Variants in REEP1 observed in about 807,000 individuals in gnomAD.
The protein encoded by REEP1 is receptor accessory protein 1.
REEP1 carries 22 observed loss-of-function variants against 40.3 expected under a neutral mutation model. The ratio of observed to expected loss-of-function variants is 0.55; its 90% CI spans 0.39 to 0.78. The LOEUF (loss-of-function observed/expected upper bound fraction) is 0.78, where lower values mean the gene tolerates loss of function less well. REEP1 is among the 30% of genes least tolerant of loss of function. The pLI is 0.00. For synonymous variants in REEP1, 116 were observed against 139.2 expected (o/e 0.83, Z 1.17); for missense variants, 280 against 361.1 (o/e 0.78, Z 1.82).
rs78862941 is a variant in REEP1, at chr2:86,334,119, T to C, written c.32+3360A>G. Among the ~76,000 whole-genome samples the C allele has an allele frequency of 4.8e-3, 726 of 152,282 alleles. 4 individuals carry two copies. Among genetic ancestry groups the C allele is most frequent in the African/African-American group, 0.015 (618 of 41,552 alleles). On this transcript the variant is annotated intron_variant, in intron 1 of 8. Coordinates refer to ENST00000538924, the MANE Select transcript of REEP1 (RefSeq NM_001371279.1). The stretch of plus-strand genomic sequence containing the variant: ...TGCCAGATACTTTGTGAAAGACCCA[T>C]GGCAGGGATAAAGCGGTTGTAAAGG...
At chr2:86,246,918 T>C (rs1033038388) in intron 5 of REEP1, among the ~76,000 whole-genome samples, 1 of 152,078 alleles carries the variant, frequency 6.6e-6, no homozygotes, top group Non-Finnish European at 1.5e-5. Flanking sequence ...TCAGGCTGGT[T>C]TCAAACACCC....
chr2:86,248,718 G>C (rs1676103054), intron 5 of REEP1, among the ~76,000 whole-genome samples: 1 of 152,134 alleles, frequency 6.6e-6, no homozygotes, highest in Admixed American at 6.5e-5. Context: ...CCAAAGTGCT[G>C]GGATTATAGG....
chr2:86,221,816 C>T (rs1283816842), intron 7 of REEP1, among the ~76,000 whole-genome samples: 2 of 152,164 alleles, frequency 1.3e-5, no homozygotes, highest in Non-Finnish European at 2.9e-5. Context: ...CTTGACACCC[C>T]CATTAACCAA....
chr2:86,305,349 ACC>A (rs1679434082), intron 1 of REEP1, among the ~76,000 whole-genome samples: 1 of 152,052 alleles, frequency 6.6e-6, no homozygotes, highest in Non-Finnish European at 1.5e-5. Context: ...CTTTCTGTGT[ACC>A]CGTTTCCTCC....
chr2:86,302,060 A>G (rs185289778), intron 1 of REEP1, among the ~76,000 whole-genome samples: 2 of 152,330 alleles, frequency 1.3e-5, no homozygotes, highest in African/African-American at 2.4e-5. Flanking sequence ...TGACTTCCTC[A>G]TTAATGGATG....
intron 1 of REEP1, among the ~76,000 whole-genome samples, chr2:86,284,358 C>T (rs1678273381): frequency 1.3e-5 from 2 of 152,208 alleles, no homozygotes; most frequent in African/African-American, 4.8e-5. Flanking sequence ...CTGTGTTCCA[C>T]AAAGCCAGAG....
At position 86,337,312 on chromosome 2, in the gene REEP1, C is replaced by G; in HGVS notation, c.32+167G>C. ...GGGCAGCAGCCGCGTCCTGCGCCGC[C>G]CGTCCGCCCGCAGGCGTCCTCGGCG... On this transcript the variant is annotated intron_variant, in intron 1 of 8. Transcript: ENST00000538924. This position sits in a 1 kb window ranked among gnomAD's most constrained non-coding sequence, Gnocchi z 5.8. 2.7e-6 allele frequency: 1 copy of G among 371,958 alleles called. No homozygotes were observed. Among genetic ancestry groups the G allele is most frequent in the Non-Finnish European group, 4.4e-6 (1 of 227,550 alleles). 23.0% of individuals were successfully genotyped at this position (371,958 alleles called of 1,614,324 possible). A position where few individuals can be genotyped will look rare whatever the true frequency, so the allele number is the denominator to read the frequency against.
intron 1 of REEP1, among the ~76,000 whole-genome samples, chr2:86,295,739 C>T (rs1184057703): frequency 6.6e-6 from 1 of 152,154 alleles, no homozygotes; most frequent in Non-Finnish European, 1.5e-5. Flanking sequence ...CGGGGTTTCA[C>T]CGTGTTAGCC....
intron 1 of REEP1, among the ~76,000 whole-genome samples, chr2:86,317,123 G>T (rs1229288010): frequency 1.3e-5 from 2 of 152,106 alleles, no homozygotes; most frequent in Admixed American, 1.3e-4. Context: ...TAATCATTAG[G>T]ATGAGTCCGA....
intron 2 of REEP1, among the ~76,000 whole-genome samples, chr2:86,277,228 G>A (rs1677803539): frequency 6.6e-6 from 1 of 152,114 alleles, no homozygotes; most frequent in Non-Finnish European, 1.5e-5. Flanking sequence ...ACAGCCTTGG[G>A]GGGGCCTCCT....
intron 7 of REEP1, among the ~76,000 whole-genome samples, chr2:86,226,318 A>C (rs1039396178): frequency 6.6e-6 from 1 of 152,004 alleles, no homozygotes; most frequent in Non-Finnish European, 1.5e-5. Flanking sequence ...GTAAGTGGCA[A>C]AGCAGGAACA....
At chr2:86,226,463 CTTTTCTTTTTTTT>C in intron 7 of REEP1, among the ~76,000 whole-genome samples, 1 of 28,978 alleles carries the variant, frequency 3.5e-5, no homozygotes, top group East Asian at 2.0e-3. Flanking sequence ...GTGGCTTTTT[CTTTTCTTTTTTTT>C]TTTTTTTTTT....
chr2:86,260,852 C>T (rs902176942), intron 3 of REEP1, among the ~76,000 whole-genome samples: 2 of 152,178 alleles, frequency 1.3e-5, no homozygotes, highest in Non-Finnish European at 2.9e-5. Context: ...CCTGTACTTC[C>T]GACTTACAGA....
intron 2 of REEP1, among the ~76,000 whole-genome samples, chr2:86,277,087 A>G (rs1395361284): frequency 6.6e-6 from 1 of 152,190 alleles, no homozygotes; most frequent in Non-Finnish European, 1.5e-5. Context: ...TGGCTTCACG[A>G]TACTCACGCC....
At chr2:86,256,347 C>CA (rs35885517) in intron 3 of REEP1, among the ~76,000 whole-genome samples, 4,058 of 100,156 alleles carry the variant, frequency 0.041, 109 homozygotes, top group East Asian at 0.072. Context: ...GATTCCATCT[C>CA]AAAAAAAAAA....
intron 3 of REEP1, among the ~76,000 whole-genome samples, chr2:86,260,228 G>A (rs1676784293): frequency 6.6e-6 from 1 of 152,158 alleles, no homozygotes; most frequent in African/African-American, 2.4e-5. Flanking sequence ...GATAAAGCAG[G>A]CAGAAAGGTT....
upstream of REEP1, chr2:86,337,686 C>A (rs1681120277): frequency 1.0e-6 from 1 of 978,910 alleles, no homozygotes; most frequent in Middle Eastern, 5.2e-4. The surrounding 1 kb of genome is among the most constrained non-coding windows in gnomAD (Gnocchi z 5.8). Flanking sequence ...CACGTTCTGG[C>A]GGCGGCGGCG....
intron 2 of REEP1, among the ~76,000 whole-genome samples, chr2:86,279,509 C>T (rs1050797123): frequency 6.6e-6 from 1 of 152,152 alleles, no homozygotes; most frequent in African/African-American, 2.4e-5. Context: ...CAAAGATGTC[C>T]ATGTCCTAAT....
chr2:86,256,952 C>T (rs1487725388), intron 3 of REEP1, among the ~76,000 whole-genome samples: 1 of 152,144 alleles, frequency 6.6e-6, no homozygotes, highest in Non-Finnish European at 1.5e-5. Flanking sequence ...ACACCCCTAT[C>T]CCCCAGTCAG....
Sources: gnomAD v4.1 joint callset for allele counts (sites outside exome capture counted in the v4.1 genomes callset) on GRCh38, gnomAD v4.1.1 for gene constraint, Gnocchi (gnomAD v3.1) non-coding constraint, MANE v1.5 for transcripts, NCBI Gene and HGNC (gene_info 2026-07-23, HGNC 2026-07-21) for gene names.